Variants in CELF4 observed in about 807,000 individuals in gnomAD.
CELF4 encodes CUGBP Elav-like family member 4, also known as CUG-BP- and ETR-3-like factor 4.
In CELF4, 18 loss-of-function variants were observed where a neutral mutation model predicts 59.9. The observed-to-expected ratio is 0.30, with a 90% CI of 0.21 to 0.45. The LOEUF is 0.45. CELF4 is among the 20% of genes least tolerant of loss of function. CELF4 has a pLI of 1.00. For synonymous variants in CELF4, 261 were observed against 267.1 expected, an observed-to-expected ratio of 0.98 and a Z score of 0.22; for missense variants, 456 against 689.0, an observed-to-expected ratio of 0.66 and a Z score of 3.79.
intron 3 of CELF4, among the ~76,000 whole-genome samples, chr18:37,320,665 C>T (rs369324760): frequency 3.6e-4 from 55 of 152,268 alleles, no homozygotes; most frequent in African/African-American, 9.1e-4. Context: ...CCCCCTTCTC[C>T]GGGGAAGTGG....
chr18:37,555,949 C>A (rs1235274492), intron 1 of CELF4, among the ~76,000 whole-genome samples: 1 of 151,988 alleles, frequency 6.6e-6, no homozygotes, highest in African/African-American at 2.4e-5. Context: ...TGTAAGTGTG[C>A]GTGTGACTGT....
chr18:37,264,786 C>A, intron 9 of CELF4, 29 bp from the exon 10 acceptor site: 1 of 1,529,446 alleles, frequency 6.5e-7, no homozygotes, highest in Non-Finnish European at 8.9e-7. Flanking sequence ...AAGCAAGAGC[C>A]GGCGACAAGG....
intron 1 of CELF4, among the ~76,000 whole-genome samples, chr18:37,499,913 C>T (rs933179321): frequency 1.3e-5 from 2 of 152,182 alleles, no homozygotes; most frequent in Non-Finnish European, 2.9e-5. Context: ...GGGAAGTACA[C>T]GTCCCTCTTT....
intron 2 of CELF4, among the ~76,000 whole-genome samples, chr18:37,372,621 T>TAA (rs1323565362): frequency 3.9e-5 from 6 of 152,076 alleles, no homozygotes; most frequent in Non-Finnish European, 8.8e-5. Context: ...CCCTAGAACT[T>TAA]AAAGTATAAT....
chr18:37,522,815 G>C (rs560856007), intron 1 of CELF4, among the ~76,000 whole-genome samples: 1 of 152,154 alleles, frequency 6.6e-6, no homozygotes, highest in East Asian at 1.9e-4. Context: ...AATCTCCCAG[G>C]CTTCCGCATC....
At chr18:37,275,093 C>A in intron 4 of CELF4, 22 bp downstream of exon 4, 1 of 1,611,190 alleles carries the variant, frequency 6.2e-7, no homozygotes, top group Non-Finnish European at 8.5e-7. Flanking sequence ...CGGGGCATCC[C>A]TCCCGGCCCC....
intron 2 of CELF4, among the ~76,000 whole-genome samples, chr18:37,355,329 G>C (rs2098544918): frequency 6.6e-6 from 1 of 152,194 alleles, no homozygotes; most frequent in Admixed American, 6.5e-5. Flanking sequence ...GTATATCTCT[G>C]TGTGTGCAGG....
At chr18:37,352,508 C>T (rs973164664) in intron 2 of CELF4, among the ~76,000 whole-genome samples, 1 of 151,842 alleles carries the variant, frequency 6.6e-6, no homozygotes, top group African/African-American at 2.4e-5. Flanking sequence ...CTGGAGGATC[C>T]CTTGAGGCCA....
chr18:37,404,729 T>C (rs2099363754), intron 2 of CELF4, among the ~76,000 whole-genome samples: 2 of 152,176 alleles, frequency 1.3e-5, no homozygotes, highest in African/African-American at 2.4e-5. Context: ...GTACACCTTG[T>C]GACCAAGACC....
intron 1 of CELF4, among the ~76,000 whole-genome samples, chr18:37,550,094 G>A (rs1341367308): frequency 4.7e-5 from 6 of 126,796 alleles, no homozygotes; most frequent in African/African-American, 2.0e-4. Flanking sequence ...GGGGGGGGGG[G>A]ATCCGTGGGA....
chr18:37,405,489 G>A (rs1258152945), intron 2 of CELF4, among the ~76,000 whole-genome samples: 6 of 152,254 alleles, frequency 3.9e-5, no homozygotes, highest in African/African-American at 7.2e-5. Context: ...GCTCTGCCCC[G>A]GGATGCAGGA....
intron 2 of CELF4, among the ~76,000 whole-genome samples, chr18:37,330,747 G>A (rs1189742493): frequency 2.0e-5 from 3 of 152,294 alleles, no homozygotes; most frequent in South Asian, 2.1e-4. Context: ...TGCCTCATCT[G>A]TGCCCTTGCA....
At chr18:37,515,155 A>C (rs2099949234) in intron 1 of CELF4, among the ~76,000 whole-genome samples, 1 of 152,170 alleles carries the variant, frequency 6.6e-6, no homozygotes, top group Non-Finnish European at 1.5e-5. Flanking sequence ...CTTTGTCATC[A>C]AGCAGGCTTG....
At chr18:37,382,644 C>T (rs1374903084) in intron 2 of CELF4, among the ~76,000 whole-genome samples, 2 of 152,218 alleles carry the variant, frequency 1.3e-5, no homozygotes, top group Non-Finnish European at 2.9e-5. Context: ...AACTAGCAAG[C>T]AGGCTGCCTT....
intron 11 of CELF4, among the ~76,000 whole-genome samples, chr18:37,255,355 C>T (rs2068571743): frequency 6.6e-6 from 1 of 151,980 alleles, no homozygotes; most frequent in Non-Finnish European, 1.5e-5. Flanking sequence ...CCCTCTGCCC[C>T]AGATGCTGCC....
At chr18:37,348,152 G>T (rs867196096) in intron 2 of CELF4, among the ~76,000 whole-genome samples, 2 of 152,034 alleles carry the variant, frequency 1.3e-5, no homozygotes, top group Admixed American at 6.6e-5. Context: ...TCTCTCTTGC[G>T]CCTCCTTCTC....
intron 3 of CELF4, among the ~76,000 whole-genome samples, chr18:37,290,354 T>A (rs1269239354): frequency 6.6e-6 from 1 of 152,256 alleles, no homozygotes; most frequent in Non-Finnish European, 1.5e-5. Context: ...GTTGTGATTT[T>A]AAAAATACAA....
intron 2 of CELF4, among the ~76,000 whole-genome samples, chr18:37,410,587 G>A (rs1463011081): frequency 6.6e-6 from 1 of 152,246 alleles, no homozygotes; most frequent in African/African-American, 2.4e-5. Context: ...ATGCTGGTGA[G>A]AGCTGTCTCT....
chr18:37,431,421 G>A (rs181490698), intron 2 of CELF4, among the ~76,000 whole-genome samples: 16 of 136,214 alleles, frequency 1.2e-4, no homozygotes, highest in South Asian at 2.5e-4. Flanking sequence ...AGGCTGGAGC[G>A]CAGTGGTGCA....
Sources: gnomAD v4.1 joint callset for allele counts (sites outside exome capture counted in the v4.1 genomes callset) on GRCh38, gnomAD v4.1.1 for gene constraint, MANE v1.5 for transcripts, NCBI Gene and HGNC (gene_info 2026-07-23, HGNC 2026-07-21) for gene names.